Variants in GPR158 observed in about 807,000 individuals in gnomAD.
GPR158 encodes G protein-coupled receptor 158.
Under a neutral mutation model 78.2 loss-of-function variants are expected in GPR158, and 30 were observed. The observed-to-expected ratio is 0.38, with a 90% CI of 0.29 to 0.52. GPR158 has a LOEUF of 0.52. Among genes scored for constraint, GPR158 ranks in the 20% least tolerant of loss-of-function variants. GPR158 has a pLI of 0.83. For synonymous variants in GPR158, 581 were observed against 591.1 expected, an observed-to-expected ratio of 0.98 and a Z score of 0.25; for missense variants, 1,463 against 1,523.5, an observed-to-expected ratio of 0.96 and a Z score of 0.66.
chr10:25,311,284 T>C (rs536698624), intron 2 of GPR158, among the ~76,000 whole-genome samples: 129 of 152,078 alleles, frequency 8.5e-4, no homozygotes, highest in South Asian at 4.1e-4. Context: ...TTTATGACAT[T>C]GAGCTTTTCT....
chr10:25,504,234 C>T (rs1192758979), intron 5 of GPR158, among the ~76,000 whole-genome samples: 3 of 152,238 alleles, frequency 2.0e-5, no homozygotes, highest in Non-Finnish European at 2.9e-5. Flanking sequence ...TCTCCTTTGC[C>T]TAGCATAGTG....
intron 5 of GPR158, among the ~76,000 whole-genome samples, chr10:25,514,463 C>G (rs1357917027): frequency 1.3e-5 from 2 of 152,026 alleles, no homozygotes; most frequent in Non-Finnish European, 2.9e-5. Flanking sequence ...GAATTCTTTT[C>G]CATTCTGCCA....
chr10:25,349,120 AG>A (rs1855418354), intron 2 of GPR158, among the ~76,000 whole-genome samples: 1 of 152,040 alleles, frequency 6.6e-6, no homozygotes, highest in South Asian at 2.1e-4. Context: ...GGTCGTCAGC[AG>A]GGCTGGTTAC....
At chr10:25,409,147 C>A (rs546793423) in intron 3 of GPR158, among the ~76,000 whole-genome samples, 29 of 152,278 alleles carry the variant, frequency 1.9e-4, no homozygotes, top group African/African-American at 7.0e-4. Context: ...CCTCTTTCGC[C>A]TTTTTACCCC....
chr10:25,527,313 T>G (rs1182044177), intron 5 of GPR158, among the ~76,000 whole-genome samples: 1 of 152,122 alleles, frequency 6.6e-6, no homozygotes, highest in Non-Finnish European at 1.5e-5. Context: ...AAAGTACGTA[T>G]GAAATGTTCA....
At chr10:25,232,969 A>C (rs1418493484) in intron 2 of GPR158, among the ~76,000 whole-genome samples, 1 of 152,216 alleles carries the variant, frequency 6.6e-6, no homozygotes, top group Non-Finnish European at 1.5e-5. Flanking sequence ...AATGGAACAA[A>C]AGACCATTGA....
chr10:25,326,866 C>CT (rs993417813), intron 2 of GPR158, among the ~76,000 whole-genome samples: 44 of 152,252 alleles, frequency 2.9e-4, no homozygotes, highest in African/African-American at 9.6e-4. Flanking sequence ...CAGATGGTCA[C>CT]TGACGATTAT....
intron 1 of GPR158, among the ~76,000 whole-genome samples, chr10:25,199,730 A>C (rs568079118): frequency 6.6e-6 from 1 of 152,230 alleles, no homozygotes; most frequent in Non-Finnish European, 1.5e-5. Flanking sequence ...CCCCTTCTGC[A>C]TGGCCTTCTA....
intron 2 of GPR158, among the ~76,000 whole-genome samples, chr10:25,358,465 A>G (rs1855583178): frequency 6.6e-6 from 1 of 152,086 alleles, no homozygotes; most frequent in Admixed American, 6.6e-5. Context: ...AGATGATTGA[A>G]TCATGGGGGC....
At chr10:25,502,783 A>G (rs1156237588) in intron 5 of GPR158, among the ~76,000 whole-genome samples, 1 of 152,142 alleles carries the variant, frequency 6.6e-6, no homozygotes, top group African/African-American at 2.4e-5. Context: ...TTTCACATAT[A>G]AAGGTGCTGG....
At chr10:25,478,669 A>T (rs1285213281) in intron 5 of GPR158, among the ~76,000 whole-genome samples, 1 of 151,944 alleles carries the variant, frequency 6.6e-6, no homozygotes, top group Admixed American at 6.6e-5. Flanking sequence ...TTATACTTTA[A>T]GTTCTAGGGT....
At chr10:25,193,059 G>T (rs1852795289) in intron 1 of GPR158, among the ~76,000 whole-genome samples, 1 of 152,108 alleles carries the variant, frequency 6.6e-6, no homozygotes, top group Non-Finnish European at 1.5e-5. Context: ...GGGTTTACTG[G>T]GATGGGTTTA....
At chr10:25,262,459 G>T (rs961412353) in intron 2 of GPR158, among the ~76,000 whole-genome samples, 2 of 152,012 alleles carry the variant, frequency 1.3e-5, no homozygotes, top group South Asian at 2.1e-4. Context: ...CCAGGAGAAA[G>T]GTTTTATTTC....
intron 1 of GPR158, among the ~76,000 whole-genome samples, chr10:25,183,198 A>G (rs1471386193): frequency 2.0e-5 from 3 of 152,132 alleles, no homozygotes; most frequent in African/African-American, 7.2e-5. Context: ...AACTTGACCT[A>G]TACAAATATT....
chr10:25,263,105 A>G (rs1163763422), intron 2 of GPR158, among the ~76,000 whole-genome samples: 2 of 152,152 alleles, frequency 1.3e-5, no homozygotes, highest in East Asian at 1.9e-4. Flanking sequence ...TTGATATTGT[A>G]TCTAAAAAGT....
chr10:25,231,830 T>C (rs571807064), intron 2 of GPR158, among the ~76,000 whole-genome samples: 1 of 152,182 alleles, frequency 6.6e-6, no homozygotes, highest in African/African-American at 2.4e-5. Context: ...AATTGTAATA[T>C]GAAAATATAT....
intron 2 of GPR158, among the ~76,000 whole-genome samples, chr10:25,291,815 A>G (rs1237625446): frequency 2.0e-5 from 3 of 151,936 alleles, no homozygotes; most frequent in Admixed American, 6.6e-5. Flanking sequence ...AATAGCACAA[A>G]TGAGTTATAA....
chr10:25,201,737 C>A lies in GPR158; in HGVS notation c.903-19315C>A, dbSNP rs535738430. On this transcript the variant is annotated intron_variant, in intron 1 of 10. Transcript: ENST00000376351. ...CTTTTTCTGCCTCTATTGAGATGAT[C>A]CTGTTTTTTTTTAATTCTGTTTATA... Among the ~76,000 whole-genome samples the A allele has an allele frequency of 2.6e-5, 4 of 151,734 alleles. 1 individual carries two copies. In the South Asian group the frequency reaches 8.4e-4, roughly 32 times the overall value.
chr10:25,297,992 G>A (rs1443075642), intron 2 of GPR158, among the ~76,000 whole-genome samples: 1 of 152,198 alleles, frequency 6.6e-6, no homozygotes, highest in Non-Finnish European at 1.5e-5. Flanking sequence ...TAGCATCTCT[G>A]AACCTCAGGT....
Sources: allele counts gnomAD v4.1 joint callset (sites outside exome capture counted in the v4.1 genomes callset), GRCh38; gene constraint gnomAD v4.1.1; transcripts MANE v1.5; gene names NCBI Gene and HGNC (gene_info 2026-07-23, HGNC 2026-07-21).